The following CSMD1 variants were observed in gnomAD, a reference collection of about 807,000 sequenced individuals.
CSMD1 encodes CUB and sushi domain-containing protein 1.
In CSMD1, 213 loss-of-function variants were observed where a neutral mutation model predicts 417.5. The ratio of observed to expected loss-of-function variants is 0.51; its 90% CI spans 0.46 to 0.57. The LOEUF (loss-of-function observed/expected upper bound fraction) is 0.57, where lower values mean the gene tolerates loss of function less well. CSMD1 is among the 20% of genes least tolerant of loss of function. The probability of loss-of-function intolerance (pLI) is 0.00; values close to 1 mark genes in which losing one functional copy is unlikely to be tolerated. For missense variants in CSMD1, 6,923 were observed against 4,529.7 expected (o/e 1.53, Z -15.17); for synonymous variants, 2,862 against 1,736.8 (o/e 1.65, Z -16.11).
chr8:4,355,583 G>T (rs191518912), intron 3 of CSMD1, among the ~76,000 whole-genome samples: 1 of 152,124 alleles, frequency 6.6e-6, no homozygotes, highest in East Asian at 1.9e-4. Flanking sequence ...CTTGGTGAGG[G>T]ACCAGAGTGT....
intron 23 of CSMD1, among the ~76,000 whole-genome samples, chr8:3,321,515 G>A (rs562548339): frequency 6.6e-6 from 1 of 152,054 alleles, no homozygotes; most frequent in Non-Finnish European, 1.5e-5. Flanking sequence ...ATTCTTCCAA[G>A]TTTCCCCATG....
intron 26 of CSMD1, among the ~76,000 whole-genome samples, chr8:3,232,501 T>C (rs1057308357): frequency 1.3e-5 from 2 of 152,212 alleles, no homozygotes; most frequent in Non-Finnish European, 2.9e-5. Flanking sequence ...GATGGATCTT[T>C]GGGTCATTTT....
chr8:3,888,385 G>A (rs1160980500), intron 5 of CSMD1, among the ~76,000 whole-genome samples: 1 of 152,290 alleles, frequency 6.6e-6, no homozygotes, highest in East Asian at 1.9e-4. Flanking sequence ...GCTTCATAGA[G>A]AAGCCTATTT....
At chr8:2,957,448 T>C (rs73179590) in intron 63 of CSMD1, among the ~76,000 whole-genome samples, 5,831 of 152,134 alleles carry the variant, frequency 0.038, 168 homozygotes, top group Middle Eastern at 0.11. Context: ...CCCCCTTCTC[T>C]CCTCCCTGGC....
In CSMD1 at chr8:4,869,125, AT is replaced by A. The variant is rs891381023; in HGVS notation, c.85+125206del. 1.6e-4 allele frequency among the ~76,000 whole-genome samples: 25 copies of A among 152,090 alleles called. 1 individual carries two copies. Among genetic ancestry groups the A allele is most frequent in the African/African-American group, 5.8e-4 (24 of 41,374 alleles). ...GTATTATTTTTAAATAAATTTATAA[AT>A]GTCATCAAATTTGTGACACAAAATA... On this transcript the variant is annotated intron_variant, in intron 1 of 69. Coordinates refer to ENST00000635120, the MANE Select transcript of CSMD1 (RefSeq NM_033225.6).
intron 3 of CSMD1, among the ~76,000 whole-genome samples, chr8:4,081,363 T>C (rs989659347): frequency 1.3e-5 from 2 of 152,168 alleles, no homozygotes; most frequent in South Asian, 2.1e-4. Flanking sequence ...ATTGTGTGAA[T>C]TACAAACTGT....
chr8:4,200,124 A>C (rs960936371), intron 3 of CSMD1, among the ~76,000 whole-genome samples: 1 of 152,216 alleles, frequency 6.6e-6, no homozygotes, highest in Non-Finnish European at 1.5e-5. Context: ...CAACTGAATG[A>C]GATTTCCTTC....
chr8:3,437,480 G>A (rs1013857420), intron 12 of CSMD1, among the ~76,000 whole-genome samples: 3 of 152,086 alleles, frequency 2.0e-5, no homozygotes, highest in South Asian at 4.1e-4. Flanking sequence ...ATGGGACAGC[G>A]GGAAATAAGA....
chr8:4,295,834 G>A (rs1056063740), intron 3 of CSMD1, among the ~76,000 whole-genome samples: 7 of 141,324 alleles, frequency 5.0e-5, no homozygotes, highest in East Asian at 4.2e-4. Context: ...TCTCCCTTAT[G>A]CAAATTTCAG....
chr8:4,384,015 A>AC (rs1454306574), intron 3 of CSMD1, among the ~76,000 whole-genome samples: 4 of 150,870 alleles, frequency 2.7e-5, no homozygotes, highest in East Asian at 3.9e-4. Flanking sequence ...TCCAGGGACC[A>AC]CCCCCCGCCT....
chr8:4,293,292 A>G (rs1334317756), intron 3 of CSMD1, among the ~76,000 whole-genome samples: 2 of 152,178 alleles, frequency 1.3e-5, no homozygotes, highest in East Asian at 3.9e-4. Context: ...GCAAATGAAA[A>G]TTGGCCAGCA....
chr8:3,857,644 C>T lies in CSMD1; in HGVS notation c.819-103602G>A, dbSNP rs183993993. ...GTTCACAGAGCAGAGGGTGGGGACA[C>T]AGATGGTCCGAATGAGTGGAATTTT... On this transcript the variant is annotated intron_variant, in intron 5 of 69. Coordinates refer to ENST00000635120, the MANE Select transcript of CSMD1 (RefSeq NM_033225.6). 3.7e-3 allele frequency among the ~76,000 whole-genome samples: 556 copies of T among 152,240 alleles called. 3 individuals carry two copies. Among genetic ancestry groups the T allele is most frequent in the African/African-American group, 7.3e-3 (302 of 41,540 alleles).
chr8:3,722,029 C>T (rs1055633564), intron 6 of CSMD1, among the ~76,000 whole-genome samples: 1 of 152,060 alleles, frequency 6.6e-6, no homozygotes, highest in African/African-American at 2.4e-5. Flanking sequence ...ACAGGTTGTA[C>T]AAGTAGAGAT....
intron 1 of CSMD1, among the ~76,000 whole-genome samples, chr8:4,687,249 T>C (rs1430640526): frequency 6.6e-6 from 1 of 152,162 alleles, no homozygotes; most frequent in Non-Finnish European, 1.5e-5. Flanking sequence ...AGCCACAGGA[T>C]GCTGGCACTA....
intron 3 of CSMD1, among the ~76,000 whole-genome samples, chr8:4,196,027 C>G (rs191342750): frequency 1.3e-5 from 2 of 151,974 alleles, no homozygotes; most frequent in Admixed American, 6.6e-5. Flanking sequence ...CTGGCTAACA[C>G]AGTGAAACCT....
rs922995497 is a variant in CSMD1 at position 4,021,991 on chromosome 8, G to C, written c.610+9914C>G. Among the ~76,000 whole-genome samples the C allele has an allele frequency of 3.3e-5, 5 of 151,758 alleles. No homozygotes were observed. The East Asian group carries it at 9.7e-4, about 29-fold the overall frequency. On this transcript the variant is annotated intron_variant, in intron 4 of 69. Transcript: ENST00000635120. The stretch of plus-strand genomic sequence containing the variant: ...AGTGCTGCCTAGGAAAGGATAGTTA[G>C]GTCTGTCTAATTCTGGAGTCCAACA...
At chr8:4,347,929 G>C (rs992960328) in intron 3 of CSMD1, among the ~76,000 whole-genome samples, 2 of 151,888 alleles carry the variant, frequency 1.3e-5, no homozygotes, top group African/African-American at 4.8e-5. Flanking sequence ...GATAAAATAG[G>C]AGCACAAAAA....
chr8:4,276,016 G>A (rs1048113496), intron 3 of CSMD1, among the ~76,000 whole-genome samples: 1 of 152,220 alleles, frequency 6.6e-6, no homozygotes, highest in Non-Finnish European at 1.5e-5. Context: ...CTTTTACAAT[G>A]TTGGTGGGAG....
intron 41 of CSMD1, among the ~76,000 whole-genome samples, chr8:3,135,332 A>G (rs113408582): frequency 0.024 from 3,671 of 152,318 alleles, 63 homozygotes; most frequent in Non-Finnish European, 0.039. Flanking sequence ...TTTTAATCCA[A>G]TTATATCACT....
Sources: allele counts gnomAD v4.1 joint callset (sites outside exome capture counted in the v4.1 genomes callset), GRCh38; gene constraint gnomAD v4.1.1; transcripts MANE v1.5; gene names NCBI Gene and HGNC (gene_info 2026-07-23, HGNC 2026-07-21).